Variants in SH3YL1 observed in about 807,000 individuals in gnomAD.
SH3YL1 encodes the protein SH3 and SYLF domain containing 1.
SH3YL1 carries 41 observed loss-of-function variants against 45.8 expected under a neutral mutation model. The ratio of observed to expected loss-of-function variants is 0.89; its 90% CI spans 0.70 to 1.16. SH3YL1 has a LOEUF of 1.16. Among genes scored for constraint, SH3YL1 ranks in the 50% most tolerant of loss-of-function variants. SH3YL1 has a pLI of 0.00. For missense variants in SH3YL1, 389 were observed against 409.6 expected (o/e 0.95, Z 0.43); for synonymous variants, 152 against 151.4 (o/e 1.00, Z -0.03).
intron 8 of SH3YL1, among the ~76,000 whole-genome samples, chr2:227,504 A>T (rs1338447189): frequency 1.3e-5 from 2 of 152,166 alleles, no homozygotes; most frequent in South Asian, 4.1e-4. Context: ...AGCAAACAGA[A>T]CTATACCAGT....
chr2:235,210 C>T (rs1668234013), intron 4 of SH3YL1, among the ~76,000 whole-genome samples: 1 of 152,260 alleles, frequency 6.6e-6, no homozygotes, highest in Non-Finnish European at 1.5e-5. Flanking sequence ...GAAGAAACTA[C>T]AATGAGATTC....
intron 1 of SH3YL1, among the ~76,000 whole-genome samples, chr2:258,315 T>G (rs968817819): frequency 6.6e-6 from 1 of 152,232 alleles, no homozygotes; most frequent in African/African-American, 2.4e-5. Flanking sequence ...GTTTGTGCCA[T>G]CTCTGATTTC....
chr2:228,403 C>T (rs994669432), intron 8 of SH3YL1, among the ~76,000 whole-genome samples: 1 of 152,156 alleles, frequency 6.6e-6, no homozygotes, highest in Non-Finnish European at 1.5e-5. Context: ...CAATTATTAA[C>T]GGAAAGGAAT....
chr2:258,907 C>T (rs1669471193), intron 1 of SH3YL1, among the ~76,000 whole-genome samples: 1 of 152,224 alleles, frequency 6.6e-6, no homozygotes, highest in Non-Finnish European at 1.5e-5. Context: ...GGGGATCCCT[C>T]TGCAGATTTC....
intron 5 of SH3YL1, among the ~76,000 whole-genome samples, chr2:233,924 G>A (rs1668168849): frequency 6.6e-6 from 1 of 152,134 alleles, no homozygotes; most frequent in Non-Finnish European, 1.5e-5. Flanking sequence ...AGATACAATG[G>A]CCTATGCTTC....
intron 9 of SH3YL1, chr2:222,211 T>C (rs1395186041): frequency 6.6e-6 from 1 of 152,174 alleles, no homozygotes; most frequent in Non-Finnish European, 1.5e-5. Flanking sequence ...GTAGGGGTTA[T>C]TTTTCCCAAA....
intron 1 of SH3YL1, chr2:263,642 C>T: frequency 3.5e-6 from 1 of 285,352 alleles, no homozygotes; most frequent in Non-Finnish European, 6.6e-6. Context: ...CGCATTCGAC[C>T]CAAACTTCAG....
chr2:241,762 C>A (rs1397672557), intron 4 of SH3YL1: 1 of 152,036 alleles, frequency 6.6e-6, no homozygotes, highest in East Asian at 1.9e-4. Flanking sequence ...AAAGAAAGAA[C>A]TGGTCAACTT....
chr2:232,872 T>C (rs1325422957), intron 6 of SH3YL1: 2 of 284,624 alleles, frequency 7.0e-6, no homozygotes, highest in Non-Finnish European at 1.3e-5. Context: ...AAATGTGAAT[T>C]GTGTTAGTCT....
Position 253,071 on chromosome 2 carries a change from C to A in SH3YL1, c.46G>T (p.Ala16Ser). The change falls in exon 2 of 10, where the codon GCT becomes TCT. Residue 16 changes from alanine to serine, a missense_variant. By Grantham distance (99) the Ala-to-Ser change is moderately conservative. Coordinates refer to ENST00000356150, the MANE Select transcript of SH3YL1 (RefSeq NM_015677.4). ...GTGAATTCTCTTAATATTTTGGCAG[C>A]CTTTTTTGCTTCTGATTTCAAATTG... Reference protein sequence around the residue: ...PSNLKSEAKKAAKILREFTEI... With the variant: ...PSNLKSEAKKSAKILREFTEI... 4 of 1,550,084 alleles carry A rather than the reference C, an allele frequency of 2.6e-6. No homozygotes were observed. Among genetic ancestry groups the A allele is most frequent in the South Asian group, 1.2e-5 (1 of 84,010 alleles).
At chr2:239,969 C>T (rs4497901) in intron 4 of SH3YL1, 47,913 of 152,082 alleles carry the variant, frequency 0.32, 7,708 homozygotes, top group Non-Finnish European at 0.35. Flanking sequence ...AGGGGGTTTG[C>T]AAGAACACAG....
Position 218,947 on chromosome 2 carries a change from T to C in SH3YL1, c.893A>G (p.Gln298Arg). Residue 298 changes from glutamine (Q) to arginine (R), a missense_variant, in exon 10 of 10, where the codon CAG (glutamine) becomes CGG (arginine). By Grantham distance (43) the Gln-to-Arg change is conservative. Coordinates refer to ENST00000356150, the MANE Select transcript of SH3YL1 (RefSeq NM_015677.4). ...VTALYSFEGQ[Q>R]PGDLNFQAGD... is the part of the protein sequence containing the mutation. The stretch of plus-strand genomic sequence containing the variant: ...AGCTTGAAAATTCAAATCCCCAGGC[T>C]GCTGTCCTTCAAATGAATACAGCGC... The C allele has an allele frequency of 6.2e-7, 1 of 1,614,108 alleles. No individual in the cohort carries two copies. Among genetic ancestry groups the C allele is most frequent in the Non-Finnish European group, 8.5e-7 (1 of 1,180,016 alleles).
chr2:230,327 G>A (rs779792208), intron 7 of SH3YL1: 72 of 248,306 alleles, frequency 2.9e-4, no homozygotes, highest in Non-Finnish European at 3.8e-4. Flanking sequence ...AGGGACGGTG[G>A]TGTAGTAATT....
chr2:232,282 T>C (rs542297530), intron 6 of SH3YL1, among the ~76,000 whole-genome samples: 28 of 152,140 alleles, frequency 1.8e-4, no homozygotes, highest in African/African-American at 5.5e-4. Flanking sequence ...TTGCTCTCTA[T>C]TTGACATGAG....
intron 1 of SH3YL1, among the ~76,000 whole-genome samples, chr2:257,149 GT>G (rs1481114291): frequency 6.6e-6 from 1 of 152,096 alleles, no homozygotes; most frequent in African/African-American, 2.4e-5. Flanking sequence ...TTTGTTGGAT[GT>G]AGAGCTTACA....
chr2:230,004 T>A lies in SH3YL1; in HGVS notation c.743A>T (p.Gln248Leu). The A allele has an allele frequency of 6.2e-7, 1 of 1,612,334 alleles. No homozygotes were observed. The highest frequency in any genetic ancestry group is 2.2e-5 in the East Asian group (1 of 44,852). ...GTTCAGCTGGACTGGTGCAGATGAC[T>A]GCTGTGGTCTTGACAATGGCTTTGG... ...LPPKPLSRPQ[Q>L]SSAPVQLNSG... Residue 248 changes from glutamine to leucine, a missense_variant, in exon 8 of 10, where the codon CAG (glutamine) becomes CTG (leucine). Gln to Leu is a moderately radical substitution (Grantham distance 113). Coordinates refer to ENST00000356150, the MANE Select transcript of SH3YL1 (RefSeq NM_015677.4).
rs139749784 is a variant in SH3YL1, at chr2:218,807, C to T, written c.*4G>A. 2.0e-4 allele frequency: 315 copies of T among 1,601,946 alleles called. 3 individuals carry two copies. The African/African-American group carries it at 2.8e-3, about 14-fold the overall frequency. ...AATTCTCAAAGAAGAAAATAGTATA[C>T]GCTTTAATTCATGGTTACGTAGTTG... On this transcript the variant is annotated 3_prime_UTR_variant, in exon 10 of 10. Transcript: ENST00000356150.
rs1030723741 is a variant in SH3YL1, at chr2:247,566, A to C, written c.263T>G (p.Leu88Arg). ...SAPSAIGIAG[L>R]GGGFEIGIEV... is the part of the protein sequence containing the mutation. Reference sequence around the variant, plus strand: ...AATTCCTATTTCAAATCCTCCACCAAGGCCAGCTATCCCAATGGCTGAGGG... The same window carrying C: ...AATTCCTATTTCAAATCCTCCACCACGGCCAGCTATCCCAATGGCTGAGGG... The change falls in exon 4 of 10, where the codon CTT becomes CGT. Residue 88 changes from leucine (L) to arginine (R), a missense_variant. Leu to Arg is a moderately radical substitution (Grantham distance 102). Coordinates refer to ENST00000356150, the MANE Select transcript of SH3YL1 (RefSeq NM_015677.4). The C allele has an allele frequency of 1.3e-6, 2 of 1,551,810 alleles. No homozygotes were observed. Among genetic ancestry groups the C allele is most frequent in the South Asian group, 2.4e-5 (2 of 84,062 alleles).
At chr2:235,563 T>C (rs1390807146) in intron 4 of SH3YL1, among the ~76,000 whole-genome samples, 4 of 43,966 alleles carry the variant, frequency 9.1e-5, no homozygotes, top group South Asian at 1.2e-3. Context: ...GGCAACAGCA[T>C]GGGCCAGGGG....
Sources: allele counts gnomAD v4.1 joint callset (sites outside exome capture counted in the v4.1 genomes callset), GRCh38; gene constraint gnomAD v4.1.1; transcripts MANE v1.5; gene names NCBI Gene and HGNC (gene_info 2026-07-23, HGNC 2026-07-21).